QPCT: variants seen among roughly 807,000 people sequenced by gnomAD.
The protein encoded by QPCT is EC.
A neutral mutation model predicts 43.4 loss-of-function variants in QPCT; 44 were observed. That is an observed-to-expected ratio of 1.01 (90% CI 0.80 to 1.30). The LOEUF (loss-of-function observed/expected upper bound fraction) is 1.30, where lower values mean the gene tolerates loss of function less well. QPCT is among the 50% of genes most tolerant of loss of function. The pLI is 0.00. For missense variants in QPCT, 526 were observed against 436.5 expected (o/e 1.21, Z -1.83); for synonymous variants, 168 against 168.4 (o/e 1.00, Z 0.02).
chr2:37,359,970 G>C lies in QPCT; in HGVS notation c.546+112G>C, dbSNP rs1672829857. 1.8e-5 allele frequency: 21 copies of C among 1,150,580 alleles called. No individual in the cohort carries two copies. The South Asian group carries it at 2.9e-4, about 16-fold the overall frequency. 71.3% of individuals were successfully genotyped at this position (1,150,580 alleles called of 1,614,324 possible). A position where few individuals can be genotyped will look rare whatever the true frequency, so the allele number is the denominator to read the frequency against. ...AGGCCATTTAGAAATGGAGACTTTT[G>C]GTACATTTTTATTATGAACATTAAT... On this transcript the variant is annotated intron_variant, in intron 3 of 6. Coordinates refer to ENST00000338415, the MANE Select transcript of QPCT (RefSeq NM_012413.4).
At chr2:37,347,172 TATATATAAC>T (rs1672513176) in intron 1 of QPCT, among the ~76,000 whole-genome samples, 1 of 89,286 alleles carries the variant, frequency 1.1e-5, no homozygotes, top group Non-Finnish European at 2.0e-5. Context: ...ATAACATATA[TATATATAAC>T]ATATATATAT....
chr2:37,362,138 C>A (rs575809186), intron 3 of QPCT, among the ~76,000 whole-genome samples: 13 of 152,342 alleles, frequency 8.5e-5, no homozygotes, highest in African/African-American at 3.1e-4. Context: ...TGAAGTTTCA[C>A]TGAGGTACTT....
rs371897497 is a variant in QPCT, at chr2:37,362,020, G to A, written c.546+2162G>A. Among the ~76,000 whole-genome samples the A allele has an allele frequency of 4.1e-4, 62 of 152,318 alleles. No homozygotes were observed. In the South Asian group the frequency reaches 0.013, roughly 32 times the overall value. ...GCAAAAAGAGCAGGTTGCCTCATGG[G>A]ACTCAGGATGAATGTCCACAACAGT... On this transcript the variant is annotated intron_variant, in intron 3 of 6. Transcript: ENST00000338415.
chr2:37,361,142 G>A (rs1201491822), intron 3 of QPCT, among the ~76,000 whole-genome samples: 1 of 152,138 alleles, frequency 6.6e-6, no homozygotes, highest in Non-Finnish European at 1.5e-5. Context: ...TAAATGGTGA[G>A]GTGGGGGATT....
chr2:37,359,790 T>C lies in QPCT; in HGVS notation c.478T>C (p.Ser160Pro). The C allele has an allele frequency of 6.2e-7, 1 of 1,614,228 alleles. No homozygotes were observed. The highest frequency in any genetic ancestry group is 8.5e-7 in the Non-Finnish European group (1 of 1,180,026). The change falls in exon 3 of 7, where the codon TCA becomes CCA. Residue 160 changes from serine (S) to proline (P), a missense_variant. Transcript: ENST00000338415. ...NNRVFVGATDSAVPCAMMLEL... is the reference protein window; with the variant it reads ...NNRVFVGATDPAVPCAMMLEL... ...CAGAGTGTTTGTAGGAGCCACTGAT[T>C]CAGCCGTGCCATGTGCAATGATGTT...
chr2:37,370,604 C>G (rs180838594), intron 5 of QPCT, among the ~76,000 whole-genome samples: 301 of 152,194 alleles, frequency 2.0e-3, no homozygotes, highest in Non-Finnish European at 3.4e-3. Context: ...AAATCTAGTA[C>G]AGTCTCTGCC....
chr2:37,354,559 T>C (rs1672700585), intron 2 of QPCT, among the ~76,000 whole-genome samples: 1 of 152,184 alleles, frequency 6.6e-6, no homozygotes, highest in African/African-American at 2.4e-5. Flanking sequence ...CAGAATCCAC[T>C]TGAGATCTCT....
chr2:37,360,220 C>A (rs557739644), intron 3 of QPCT, among the ~76,000 whole-genome samples: 1 of 152,148 alleles, frequency 6.6e-6, no homozygotes, highest in Admixed American at 6.5e-5. Context: ...GGCCATGAAA[C>A]ATCACAACCT....
At chr2:37,359,962 A>G in intron 3 of QPCT, 104 bp downstream of exon 3, 8 of 1,208,976 alleles carry the variant, frequency 6.6e-6, no homozygotes, top group Non-Finnish European at 9.3e-6. Flanking sequence ...TTAGAAATGG[A>G]GACTTTTGGT....
chr2:37,346,861 C>CTTTG (rs1672499141), intron 1 of QPCT, among the ~76,000 whole-genome samples: 1 of 151,782 alleles, frequency 6.6e-6, no homozygotes, highest in African/African-American at 2.4e-5. Flanking sequence ...TGATGTATGT[C>CTTTG]TTTGGTACAC....
chr2:37,347,231 C>CAT (rs74216920), intron 1 of QPCT, among the ~76,000 whole-genome samples: 1,486 of 55,574 alleles, frequency 0.027, 234 homozygotes, highest in African/African-American at 0.097. Context: ...ATATATATAA[C>CAT]ATATATATAT....
chr2:37,363,548 T>C (rs1371650954), intron 3 of QPCT, among the ~76,000 whole-genome samples: 2 of 151,260 alleles, frequency 1.3e-5, no homozygotes, highest in African/African-American at 4.9e-5. Context: ...GGAGGATTGC[T>C]TGAGCCCAGG....
intron 3 of QPCT, among the ~76,000 whole-genome samples, chr2:37,366,206 A>G (rs1444460324): frequency 1.3e-5 from 2 of 152,224 alleles, no homozygotes; most frequent in Non-Finnish European, 2.9e-5. Flanking sequence ...TTAGAGTACC[A>G]GGACCAATCT....
intron 1 of QPCT, among the ~76,000 whole-genome samples, chr2:37,346,135 G>T (rs531872164): frequency 4.6e-5 from 7 of 151,526 alleles, no homozygotes; most frequent in African/African-American, 1.7e-4. Flanking sequence ...CCAGCTACAT[G>T]CATATATATA....
At chr2:37,354,524 G>T (rs768366498) in intron 2 of QPCT, among the ~76,000 whole-genome samples, 3 of 152,118 alleles carry the variant, frequency 2.0e-5, no homozygotes, top group African/African-American at 7.2e-5. Flanking sequence ...CTTGCTCAAG[G>T]TTATACTTGT....
chr2:37,357,373 A>G (rs1672772796), intron 2 of QPCT, among the ~76,000 whole-genome samples: 1 of 150,320 alleles, frequency 6.7e-6, no homozygotes, highest in Admixed American at 6.7e-5. Flanking sequence ...AGAAAAACTC[A>G]TGTTAGGTGC....
At chr2:37,361,697 C>G (rs573631593) in intron 3 of QPCT, among the ~76,000 whole-genome samples, 2 of 152,300 alleles carry the variant, frequency 1.3e-5, no homozygotes, top group East Asian at 3.9e-4. Context: ...ATCAGCTGCT[C>G]CCTAGCTGAC....
In QPCT at chr2:37,372,476, ATGTGTG is replaced by A. The variant is rs112031803; in HGVS notation, c.940+18_940+23del. 9 of 1,559,768 alleles carry A rather than the reference ATGTGTG, an allele frequency of 5.8e-6. No individual in the cohort carries two copies. The highest frequency in any genetic ancestry group is 3.4e-5 in the Admixed American group (2 of 58,878). On this transcript the variant is annotated splice_donor_5th_base_variant and intron_variant, in intron 6 of 6. Coordinates refer to ENST00000338415, the MANE Select transcript of QPCT (RefSeq NM_012413.4). ...CATATTCCATTTTTAAGAAGAGGTA[ATGTGTG>A]TGTGTGTGTGTGTTTGTGTGTGTGT...
intron 2 of QPCT, among the ~76,000 whole-genome samples, chr2:37,355,494 G>C (rs993611454): frequency 6.6e-6 from 1 of 151,926 alleles, no homozygotes; most frequent in African/African-American, 2.4e-5. Context: ...TATTAAAAAA[G>C]GGTAAACTTG....
Sources: gnomAD v4.1 joint callset for allele counts (sites outside exome capture counted in the v4.1 genomes callset) on GRCh38, gnomAD v4.1.1 for gene constraint, MANE v1.5 for transcripts, NCBI Gene and HGNC (gene_info 2026-07-23, HGNC 2026-07-21) for gene names.